The following OR13A1 variants were observed in gnomAD, a reference collection of about 807,000 sequenced individuals.
OR13A1 encodes olfactory receptor family 13 subfamily A member 1.
A neutral mutation model predicts 7.5 loss-of-function variants in OR13A1; 10 were observed. That is an observed-to-expected ratio of 1.34 (90% CI 0.83 to 2.27). The LOEUF is 2.27. Ranked by LOEUF, OR13A1 falls within the 30% of genes most tolerant of loss-of-function variation. The probability of loss-of-function intolerance (pLI) is 0.00; values close to 1 mark genes in which losing one functional copy is unlikely to be tolerated. For synonymous variants in OR13A1, 238 were observed against 177.9 expected (o/e 1.34, Z -2.69); for missense variants, 509 against 419.1 (o/e 1.21, Z -1.87).
intron 1 of OR13A1, among the ~76,000 whole-genome samples, chr10:45,311,615 A>G (rs1838449412): frequency 1.3e-5 from 2 of 152,166 alleles, no homozygotes; most frequent in East Asian, 3.8e-4. Flanking sequence ...CAAAAATAAG[A>G]GAACTAGTAG....
At chr10:45,314,514 G>GA (rs529835071) in intron 1 of OR13A1, among the ~76,000 whole-genome samples, 24 of 148,158 alleles carry the variant, frequency 1.6e-4, no homozygotes, top group Non-Finnish European at 2.5e-4. Flanking sequence ...AACTAGGAGA[G>GA]AAAAAAAACT....
chr10:45,306,031 A>G (rs1046607636), intron 3 of OR13A1, among the ~76,000 whole-genome samples: 5 of 152,260 alleles, frequency 3.3e-5, no homozygotes, highest in African/African-American at 4.8e-5. Flanking sequence ...AAATAATGCT[A>G]AAGAATAGGC....
Position 45,304,294 on chromosome 10 carries a change from C to T in OR13A1, c.129G>A (p.Val43=). The change falls in exon 4 of 4, where the codon GTG becomes GTA. Residue 43 remains valine, a synonymous_variant. Coordinates refer to ENST00000553795, the MANE Select transcript of OR13A1 (RefSeq NM_001004297.3). ...QGFSEHPEYR[V]FLFSCFLFLY... ...GGAAGAGGAAACAGCTGAATAAGAA[C>T]ACCCGGTATTCTGGGTGCTCCGAAA... The T allele has an allele frequency of 6.2e-7, 1 of 1,614,178 alleles. No homozygotes were observed. The highest frequency in any genetic ancestry group is 8.5e-7 in the Non-Finnish European group (1 of 1,180,028).
rs1707977263 is a variant in OR13A1, at chr10:45,315,566, C to G, written c.-267G>C. ...TCAAACTTTTCTTCTGGATTAGGAA[C>G]AAGACAAGTATACTCTGTCTCTTCG... On this transcript the variant is annotated 5_prime_UTR_variant, in exon 1 of 4. Transcript: ENST00000553795. The G allele has an allele frequency of 6.6e-6, 1 of 151,968 alleles. No individual in the cohort carries two copies. The highest frequency in any genetic ancestry group is 2.4e-5 in the African/African-American group (1 of 41,382). 9.4% of individuals were successfully genotyped at this position (151,968 alleles called of 1,614,324 possible).
intron 1 of OR13A1, among the ~76,000 whole-genome samples, chr10:45,310,655 A>G (rs186119995): frequency 6.6e-6 from 1 of 152,356 alleles, no homozygotes; most frequent in Admixed American, 6.5e-5. Flanking sequence ...AATTGCCACA[A>G]ATATGCAAGA....
intron 1 of OR13A1, among the ~76,000 whole-genome samples, chr10:45,311,061 G>A (rs886242194): frequency 6.6e-6 from 1 of 152,182 alleles, no homozygotes; most frequent in African/African-American, 2.4e-5. Context: ...GAAATGCTTG[G>A]AAACTTGGAA....
chr10:45,308,645 T>G (rs1838383406), intron 1 of OR13A1: 1 of 152,228 alleles, frequency 6.6e-6, no homozygotes, highest in South Asian at 2.1e-4. Context: ...GACAGAGTTA[T>G]GAGTAGAACT....
Position 45,303,632 on chromosome 10 carries a change from G to A in OR13A1, c.791C>T (p.Thr264Ile), listed in dbSNP as rs2133033782. Reference protein sequence around the residue: ...KAFSTCSSHLTVVCMYYTAVF... With the variant: ...KAFSTCSSHLIVVCMYYTAVF... The stretch of plus-strand genomic sequence containing the variant: ...AGCGGTGTAATACATGCACACCACG[G>A]TGAGGTGGGAAGAGCAGGTGGAGAA... Residue 264 changes from threonine to isoleucine, a missense_variant, in exon 4 of 4, where the codon ACC (threonine) becomes ATC (isoleucine). Coordinates refer to ENST00000553795, the MANE Select transcript of OR13A1 (RefSeq NM_001004297.3). The A allele has an allele frequency of 6.2e-7, 1 of 1,614,192 alleles. No homozygotes were observed. Among genetic ancestry groups the A allele is most frequent in the Non-Finnish European group, 8.5e-7 (1 of 1,180,024 alleles).
intron 1 of OR13A1, among the ~76,000 whole-genome samples, chr10:45,310,826 G>T (rs886339525): frequency 2.0e-5 from 3 of 152,082 alleles, no homozygotes; most frequent in African/African-American, 4.8e-5. Context: ...GAGGTAAACA[G>T]GCAATGAACA....
At chr10:45,308,865 C>A (rs1408682133) in intron 1 of OR13A1, 2 of 152,120 alleles carry the variant, frequency 1.3e-5, no homozygotes, top group Admixed American at 1.3e-4. Context: ...CAGGACTGAA[C>A]AAGGTTTCCT....
In OR13A1 at chr10:45,303,481, C is replaced by T. The variant is rs1393024828; in HGVS notation, c.942G>A (p.Glu314=). The part of the protein sequence containing the change: ...NPLIYTLRNK[E]VKAALRKLFP... ...AAAGCTTCCTGAGGGCTGCTTTGAC[C>T]TCCTTGTTTCTCAAAGTATAGATGA... The change falls in exon 4 of 4, where the codon GAG becomes GAA. Residue 314 remains glutamate, a synonymous_variant. Coordinates refer to ENST00000553795, the MANE Select transcript of OR13A1 (RefSeq NM_001004297.3). 6.2e-7 allele frequency: 1 copy of T among 1,610,890 alleles called. No individual in the cohort carries two copies. Among genetic ancestry groups the T allele is most frequent in the Non-Finnish European group, 8.5e-7 (1 of 1,178,378 alleles).
chr10:45,304,551 C>A, intron 3 of OR13A1, 117 bp from the exon 4 acceptor site: 2 of 842,854 alleles, frequency 2.4e-6, no homozygotes, highest in South Asian at 1.8e-5. Flanking sequence ...GATAAACACC[C>A]CAATATTACA....
intron 1 of OR13A1, among the ~76,000 whole-genome samples, chr10:45,311,216 C>T (rs1564535982): frequency 6.6e-6 from 1 of 152,218 alleles, no homozygotes; most frequent in Non-Finnish European, 1.5e-5. Flanking sequence ...TATCACCCAG[C>T]CATAGCCTTG....
rs1262990399 is a variant in OR13A1, at chr10:45,305,269, GA to G, written c.-12-836del. On this transcript the variant is annotated intron_variant, in intron 3 of 3. Coordinates refer to ENST00000553795, the MANE Select transcript of OR13A1 (RefSeq NM_001004297.3). ...TTTAATTTTAAAAAAAGGAAAGAAT[GA>G]AAAAAAATTTAAAATAATGTGTACA... Among the ~76,000 whole-genome samples, 4 of 149,600 alleles carry G rather than the reference GA, an allele frequency of 2.7e-5. No individual in the cohort carries two copies. In the South Asian group the frequency reaches 6.3e-4, roughly 24 times the overall value.
At chr10:45,311,149 C>T (rs925538746) in intron 1 of OR13A1, among the ~76,000 whole-genome samples, 3 of 152,230 alleles carry the variant, frequency 2.0e-5, no homozygotes, top group African/African-American at 7.2e-5. Flanking sequence ...GGCCTATCCC[C>T]TAACCTCAGC....
chr10:45,305,547 T>G (rs1025959567), intron 3 of OR13A1, among the ~76,000 whole-genome samples: 45 of 152,166 alleles, frequency 3.0e-4, no homozygotes, highest in Non-Finnish European at 1.8e-4. Context: ...TCACACAGAA[T>G]CCTCCTTACA....
chr10:45,307,893 A>G (rs1374327262), intron 1 of OR13A1, 85 bp from the exon 2 acceptor site: 1 of 152,240 alleles, frequency 6.6e-6, no homozygotes, highest in East Asian at 1.9e-4. Flanking sequence ...CTGAAATTAA[A>G]AAGGTAATTT....
Position 45,304,437 on chromosome 10 carries a change from A to G in OR13A1, c.-12-3T>C, listed in dbSNP as rs374247983. On this transcript the variant is annotated splice_region_variant and splice_polypyrimidine_tract_variant and intron_variant, in intron 3 of 3. Coordinates refer to ENST00000553795, the MANE Select transcript of OR13A1 (RefSeq NM_001004297.3). Reference sequence around the variant, plus strand: ...CACAGCTTCATGTGATTTCAGAGCTAGAGAGATAAACAAGAGGTGTCCTGA... The same window carrying G: ...CACAGCTTCATGTGATTTCAGAGCTGGAGAGATAAACAAGAGGTGTCCTGA... 53 of 1,602,298 alleles carry G rather than the reference A, an allele frequency of 3.3e-5. No individual in the cohort carries two copies. In the African/African-American group the frequency reaches 6.6e-4, roughly 20 times the overall value.
In OR13A1 at chr10:45,304,312, C is replaced by T. The variant is rs1838283990; in HGVS notation, c.111G>A (p.Glu37=). The T allele has an allele frequency of 6.2e-7, 1 of 1,614,154 alleles. No individual in the cohort carries two copies. Among genetic ancestry groups the T allele is most frequent in the South Asian group, 1.1e-5 (1 of 91,084 alleles). The change falls in exon 4 of 4, where the codon GAG becomes GAA. Residue 37 remains glutamate, a synonymous_variant. Transcript: ENST00000553795. ...VTEFILQGFS[E]HPEYRVFLFS... ...ATAAGAACACCCGGTATTCTGGGTG[C>T]TCCGAAAAGCCCTGCAGGATGAACT...
Sources: allele counts gnomAD v4.1 joint callset (sites outside exome capture counted in the v4.1 genomes callset), GRCh38; gene constraint gnomAD v4.1.1; transcripts MANE v1.5; gene names NCBI Gene and HGNC (gene_info 2026-07-23, HGNC 2026-07-21).